Variants in TNNT1 observed in about 807,000 individuals in gnomAD.
TNNT1 encodes the protein troponin T, slow skeletal muscle.
In TNNT1, 53 loss-of-function variants were observed where a neutral mutation model predicts 50.6. The ratio of observed to expected loss-of-function variants is 1.05; its 90% CI spans 0.84 to 1.32. The LOEUF is 1.32. Among genes scored for constraint, TNNT1 ranks in the 40% most tolerant of loss-of-function variants. The pLI, the probability that TNNT1 is intolerant of heterozygous loss-of-function variation, is 0.00. For synonymous variants in TNNT1, 142 were observed against 138.0 expected (o/e 1.03, Z -0.20); for missense variants, 348 against 381.7 (o/e 0.91, Z 0.74).
chr19:55,132,730 T>G lies in TNNT1; in HGVS notation c.*185A>C. Reference sequence around the variant, plus strand: ...TCAGCCTGCCGTACTTTAATGATTATTGGTGACACTCTTTCAAGTAACTTG... The same window carrying G: ...TCAGCCTGCCGTACTTTAATGATTAGTGGTGACACTCTTTCAAGTAACTTG... On this transcript the variant is annotated 3_prime_UTR_variant, in exon 14 of 14. Coordinates refer to ENST00000588981, the MANE Select transcript of TNNT1 (RefSeq NM_003283.6). The G allele has an allele frequency of 1.6e-6, 1 of 645,028 alleles. No homozygotes were observed. Among genetic ancestry groups the G allele is most frequent in the Non-Finnish European group, 2.8e-6 (1 of 360,232 alleles). 40.0% of individuals were successfully genotyped at this position (645,028 alleles called of 1,614,324 possible).
chr19:55,148,574 C>T lies in TNNT1; in HGVS notation c.-12+587G>A, dbSNP rs188103236. Among the ~76,000 whole-genome samples the T allele has an allele frequency of 1.9e-3, 292 of 151,552 alleles. 1 individual carries two copies. Among genetic ancestry groups the T allele is most frequent in the Middle Eastern group, 0.01 (3 of 292 alleles). On this transcript the variant is annotated intron_variant, in intron 1 of 13. Coordinates refer to ENST00000588981, the MANE Select transcript of TNNT1 (RefSeq NM_003283.6). Reference sequence around the variant, plus strand: ...AGTTCTTGATAGTCCAGATATGGGCCGGGACATCCTAAGACCACCCCCAGG... The same window carrying T: ...AGTTCTTGATAGTCCAGATATGGGCTGGGACATCCTAAGACCACCCCCAGG...
chr19:55,146,401 A>G (rs942634442), intron 5 of TNNT1, 33 bp downstream of exon 5: 1 of 1,337,628 alleles, frequency 7.5e-7, no homozygotes, highest in Non-Finnish European at 9.6e-7. Context: ...GGCCCCCGAC[A>G]TCGGTCTCGG....
chr19:55,142,546 ATTTT>A (rs112126041), intron 6 of TNNT1, among the ~76,000 whole-genome samples: 8 of 138,550 alleles, frequency 5.8e-5, no homozygotes, highest in Admixed American at 4.3e-4. Flanking sequence ...CCTAGTAAGA[ATTTT>A]TTTTTTTTTT....
chr19:55,143,038 A>G (rs1044557884), intron 6 of TNNT1, among the ~76,000 whole-genome samples: 2 of 151,920 alleles, frequency 1.3e-5, no homozygotes, highest in African/African-American at 2.4e-5. Context: ...GCATGGTGGT[A>G]CGTGCCTGTA....
chr19:55,135,445 C>T (rs2085330079), intron 11 of TNNT1: 4 of 277,338 alleles, frequency 1.4e-5, no homozygotes, highest in African/African-American at 2.4e-5. Flanking sequence ...CACTTTGTCA[C>T]CCAGGCTGGA....
chr19:55,143,280 G>A (rs1181912941), intron 6 of TNNT1, among the ~76,000 whole-genome samples: 5 of 151,900 alleles, frequency 3.3e-5, no homozygotes, highest in Middle Eastern at 3.4e-3. Flanking sequence ...GACTATAGGC[G>A]TGAGCCACTG....
chr19:55,137,804 T>C (rs1243262856), intron 10 of TNNT1, among the ~76,000 whole-genome samples, 157 bp downstream of exon 10: 132 of 42,774 alleles, frequency 3.1e-3, no homozygotes, highest in Middle Eastern at 0.02. Context: ...AGACCCCAGC[T>C]CCTCCTCCCT....
rs542242665 is a variant in TNNT1, at chr19:55,141,418, G to A, written c.193-116C>T. ...CGTTTCCCAGGACGGTATCCAGCAG[G>A]TGGCAGCAATGCCTCGTGTTTGACA... On this transcript the variant is annotated intron_variant, in intron 7 of 13. Coordinates refer to ENST00000588981, the MANE Select transcript of TNNT1 (RefSeq NM_003283.6). 5.1e-4 allele frequency: 409 copies of A among 808,180 alleles called. 2 individuals carry two copies. Among genetic ancestry groups the A allele is most frequent in the Admixed American group, 8.3e-4 (47 of 56,302 alleles). 50.1% of individuals were successfully genotyped at this position (808,180 alleles called of 1,614,324 possible).
rs1251872034 is a variant in TNNT1 at position 55,149,179 on chromosome 19, G to A, written c.-30C>T. 1 of 456,304 alleles carries A rather than the reference G, an allele frequency of 2.2e-6. No homozygotes were observed. The allele number at this position is 456,304 out of a possible 1,614,324, so 28.3% of individuals were successfully genotyped here. ...CCCTTACCTAGGCTGTGTCTGAGATGCTGTGAATCTTGAGGCTGAGCCTTG... is the reference window on the plus strand; with the variant it reads ...CCCTTACCTAGGCTGTGTCTGAGATACTGTGAATCTTGAGGCTGAGCCTTG... On this transcript the variant is annotated 5_prime_UTR_variant, in exon 1 of 14. Coordinates refer to ENST00000588981, the MANE Select transcript of TNNT1 (RefSeq NM_003283.6).
chr19:55,138,758 G>C (rs556070350), intron 9 of TNNT1, among the ~76,000 whole-genome samples: 2 of 152,224 alleles, frequency 1.3e-5, no homozygotes, highest in African/African-American at 4.8e-5. Flanking sequence ...ATATGAGAAT[G>C]TCTGTTTTGA....
chr19:55,145,920 C>T (rs1206171965), intron 5 of TNNT1, among the ~76,000 whole-genome samples: 1 of 151,796 alleles, frequency 6.6e-6, no homozygotes, highest in Non-Finnish European at 1.5e-5. Flanking sequence ...TGCAGGGGGT[C>T]CCAACCTCTG....
chr19:55,144,085 TG>T (rs2085506173), intron 6 of TNNT1, among the ~76,000 whole-genome samples: 1 of 147,648 alleles, frequency 6.8e-6, no homozygotes. Flanking sequence ...TTTTTTTTTT[TG>T]AGATGGAGTT....
chr19:55,141,217 T>C lies in TNNT1; in HGVS notation c.278A>G (p.Glu93Gly). The change falls in exon 8 of 14, where the codon GAA (glutamate) becomes GGA (glycine). Residue 93 changes from glutamate to glycine, a missense_variant. This residue lies in a region of TNNT1 where 253 missense variants were observed against 291.8 expected (regional missense o/e 0.87). Coordinates refer to ENST00000588981, the MANE Select transcript of TNNT1 (RefSeq NM_003283.6). ...DVHFEQRKKE[E>G]EELVALKERI... ...CTCCTTCAAGGCAACCAGCTCCTCT[T>C]CCTCCTTCTTCCGCTGCTCGAAATG... is the stretch of plus-strand genomic sequence containing the variant. 1 of 1,614,240 alleles carries C rather than the reference T, an allele frequency of 6.2e-7. No homozygotes were observed. Among genetic ancestry groups the C allele is most frequent in the African/African-American group, 1.3e-5 (1 of 75,070 alleles).
At chr19:55,146,916 C>G in intron 3 of TNNT1, 92 bp downstream of exon 3, 1 of 1,466,130 alleles carries the variant, frequency 6.8e-7, no homozygotes, top group Non-Finnish European at 9.1e-7. Flanking sequence ...TGAGCCGCCC[C>G]TTCCCCGCCA....
Position 55,146,693 on chromosome 19 carries a change from C to T in TNNT1, c.61G>A (p.Glu21Lys). The T allele has an allele frequency of 1.3e-6, 2 of 1,499,244 alleles. No homozygotes were observed. The highest frequency in any genetic ancestry group is 1.8e-6 in the Non-Finnish European group (2 of 1,121,664). 92.9% of individuals were successfully genotyped at this position (1,499,244 alleles called of 1,614,324 possible). ...TCCGGGACCTCACCTTCCTCCTCCTCCTCCGCAGCCTCCTCTGGAGATGGG... is the reference window on the plus strand; with the variant it reads ...TCCGGGACCTCACCTTCCTCCTCCTTCTCCGCAGCCTCCTCTGGAGATGGG... ...EEQPEEEAAE[E>K]EEEAPEEPEP... Residue 21 changes from glutamate to lysine, a missense_variant, in exon 4 of 14, where the codon GAG becomes AAG. This residue lies in a region of TNNT1 where 90 missense variants were observed against 70.8 expected (regional missense o/e 1.27). Transcript: ENST00000588981.
At position 55,141,892 on chromosome 19, in the gene TNNT1, G is replaced by C. The variant is rs755269853; in HGVS notation, c.157C>G (p.Pro53Ala). 2 of 1,614,030 alleles carry C rather than the reference G, an allele frequency of 1.2e-6. No individual in the cohort carries two copies. Among genetic ancestry groups the C allele is most frequent in the Admixed American group, 3.3e-5 (2 of 60,012 alleles). Residue 53 changes from proline (P) to alanine (A), a missense_variant, in exon 7 of 14, where the codon CCA becomes GCA. This residue lies in a region of TNNT1 where 90 missense variants were observed against 70.8 expected (regional missense o/e 1.27). Coordinates refer to ENST00000588981, the MANE Select transcript of TNNT1 (RefSeq NM_003283.6). ...SRPVVPPLIP[P>A]KIPEGERVDF... Reference sequence around the variant, plus strand: ...ACGCGCTCCCCTTCTGGGATCTTTGGCGGGATCAAAGGAGGCACCACGGGG... The same window carrying C: ...ACGCGCTCCCCTTCTGGGATCTTTGCCGGGATCAAAGGAGGCACCACGGGG...
chr19:55,140,794 G>GTAA (rs10582842), intron 9 of TNNT1, 89 bp downstream of exon 9: 111,414 of 701,160 alleles, frequency 0.16, 7,965 homozygotes, highest in South Asian at 0.26. Context: ...AATAATAATA[G>GTAA]TAATAATAAT....
At chr19:55,146,495 G>A in intron 4 of TNNT1, 29 bp from the exon 5 acceptor site, 1 of 1,220,954 alleles carries the variant, frequency 8.2e-7, no homozygotes, top group South Asian at 1.8e-5. Context: ...AGCAGCGAGG[G>A]TTTGGGGAGC....
intron 6 of TNNT1, among the ~76,000 whole-genome samples, chr19:55,142,404 AGCCACCGC>A (rs2085475610): frequency 6.6e-6 from 1 of 152,000 alleles, no homozygotes; most frequent in Non-Finnish European, 1.5e-5. Flanking sequence ...CACAGGTGTG[AGCCACCGC>A]GCCCGGCACT....
Sources: gnomAD v4.1 joint callset for allele counts (sites outside exome capture counted in the v4.1 genomes callset) on GRCh38, gnomAD v4.1.1 for gene constraint, gnomAD v4.1.1 regional missense constraint, MANE v1.5 for transcripts, NCBI Gene and HGNC (gene_info 2026-07-23, HGNC 2026-07-21) for gene names.